The following CELF2 variants were observed in gnomAD, a reference collection of about 807,000 sequenced individuals.
CELF2 encodes CUG triplet repeat RNA-binding protein 2.
CELF2 carries 8 observed loss-of-function variants against 62.6 expected under a neutral mutation model. The observed-to-expected ratio is 0.13, with a 90% CI of 0.07 to 0.23. The LOEUF is 0.23. CELF2 is among the 10% of genes least tolerant of loss of function. The pLI is 1.00. For missense variants in CELF2, 333 were observed against 671.0 expected, an observed-to-expected ratio of 0.50 and a Z score of 5.56; for synonymous variants, 258 against 250.0, an observed-to-expected ratio of 1.03 and a Z score of -0.30.
intron 1 of CELF2, among the ~76,000 whole-genome samples, chr10:11,139,470 T>G (rs1052901373): frequency 6.6e-6 from 1 of 152,218 alleles, no homozygotes; most frequent in African/African-American, 2.4e-5. Context: ...TCTAGAAAAC[T>G]TTGCATTATT....
At chr10:11,041,580 C>T (rs748374597) in intron 1 of CELF2, among the ~76,000 whole-genome samples, 1 of 152,160 alleles carries the variant, frequency 6.6e-6, no homozygotes, top group South Asian at 2.1e-4. Context: ...GGTAAGACTT[C>T]GTATTAACAA....
Position 11,039,744 on chromosome 10 carries a change from A to G in CELF2, c.74+21581A>G, listed in dbSNP as rs75574246. 4.3e-3 allele frequency among the ~76,000 whole-genome samples: 650 copies of G among 152,342 alleles called. 9 individuals are homozygous for G. Among genetic ancestry groups the G allele is most frequent in the African/African-American group, 0.015 (604 of 41,576 alleles). ...TTTTAAGGCTAGTTTCATTTAGGAAAAAAGATAATTATATATCTATTACGT... is the reference window on the plus strand; with the variant it reads ...TTTTAAGGCTAGTTTCATTTAGGAAGAAAGATAATTATATATCTATTACGT... On this transcript the variant is annotated intron_variant, in intron 1 of 12. Coordinates refer to ENST00000633077, the MANE Select transcript of CELF2 (RefSeq NM_001326342.2). This position sits in a 1 kb window ranked among gnomAD's most constrained non-coding sequence, Gnocchi z 4.1.
chr10:10,640,478 C>G, the CELF2 span, among the ~76,000 whole-genome samples: 1 of 152,190 alleles, frequency 6.6e-6, no homozygotes, highest in Non-Finnish European at 1.5e-5. Context: ...CCTCCCACCA[C>G]CAGGTGAGAT....
chr10:11,198,232 G>A (rs1292058036), intron 2 of CELF2, among the ~76,000 whole-genome samples: 1 of 152,226 alleles, frequency 6.6e-6, no homozygotes, highest in Non-Finnish European at 1.5e-5. Flanking sequence ...CCGTGTGGCA[G>A]TGTACAATTT....
the CELF2 span, among the ~76,000 whole-genome samples, chr10:10,580,478 C>T: frequency 2.0e-5 from 3 of 152,072 alleles, no homozygotes; most frequent in African/African-American, 7.2e-5. Context: ...CTGTTCGCAC[C>T]CTTAAATGTT....
Position 10,853,037 on chromosome 10 carries a change from G to A in CELF2, c.53+54220G>A, listed in dbSNP as rs1319653915. 2.6e-5 allele frequency among the ~76,000 whole-genome samples: 4 copies of A among 152,282 alleles called. No homozygotes were observed. In the East Asian group the frequency reaches 7.7e-4, roughly 29 times the overall value. On this transcript the variant is annotated intron_variant, in intron 1 of 13. Coordinates refer to the CELF2 transcript ENST00000636488. ...TCTGTCACTTAGCCTGGAGTGCAGT[G>A]GTGCAGTCTTGGCTCACTACAGCCT...
chr10:11,091,949 A>G (rs1236909845), intron 1 of CELF2, among the ~76,000 whole-genome samples: 1 of 152,224 alleles, frequency 6.6e-6, no homozygotes, highest in Non-Finnish European at 1.5e-5. Flanking sequence ...TTAGAAAAGC[A>G]GAATAAAATT....
chr10:10,909,157 G>T (rs2063594115), intron 1 of CELF2, among the ~76,000 whole-genome samples: 1 of 152,190 alleles, frequency 6.6e-6, no homozygotes, highest in Non-Finnish European at 1.5e-5. Flanking sequence ...CTGACTGTAG[G>T]TTGGAGGTAG....
intron 2 of CELF2, among the ~76,000 whole-genome samples, chr10:10,978,901 T>C (rs986210144): frequency 2.6e-5 from 4 of 152,196 alleles, no homozygotes; most frequent in African/African-American, 9.6e-5. Context: ...TCCCATGCCT[T>C]TTTGGAAGTT....
the CELF2 span, among the ~76,000 whole-genome samples, chr10:10,776,961 G>C: frequency 2.0e-5 from 3 of 152,126 alleles, no homozygotes; most frequent in African/African-American, 7.2e-5. Flanking sequence ...TATGCCATTC[G>C]GCCAATCACT....
the CELF2 span, among the ~76,000 whole-genome samples, chr10:10,738,173 C>G: frequency 3.9e-5 from 6 of 152,132 alleles, no homozygotes; most frequent in African/African-American, 1.2e-4. Context: ...AAGAAATAAT[C>G]AGTGGTTTGT....
the CELF2 span, among the ~76,000 whole-genome samples, chr10:10,772,368 T>G: frequency 6.6e-6 from 1 of 152,214 alleles, no homozygotes; most frequent in African/African-American, 2.4e-5. Context: ...TACTCTAGAT[T>G]TTTAAAACTC....
chr10:11,097,023 C>T (rs575540261), intron 1 of CELF2, among the ~76,000 whole-genome samples: 10 of 152,182 alleles, frequency 6.6e-5, no homozygotes, highest in South Asian at 4.2e-4. Context: ...CAATAGGAAA[C>T]GAAGAGTTTT....
rs1356044379 is a variant in CELF2, at chr10:11,177,971, C to G, written c.271+12289C>G. Among the ~76,000 whole-genome samples the G allele has an allele frequency of 6.6e-6, 1 of 152,058 alleles. No homozygotes were observed. Among genetic ancestry groups the G allele is most frequent in the Non-Finnish European group, 1.5e-5 (1 of 68,014 alleles). ...CCCTGTGAGGCTCAGTAAGCCGCAG[C>G]CTAGATTGGAACAGCGTGACTGCCT... On this transcript the variant is annotated intron_variant, in intron 2 of 12. Transcript: ENST00000633077. The surrounding 1 kb of genome is among the most constrained non-coding windows in gnomAD (Gnocchi z 4.8).
Position 11,290,524 on chromosome 10 carries a change from T to TA in CELF2, c.976+1988dup, listed in dbSNP as rs56348502. 1.2e-3 allele frequency among the ~76,000 whole-genome samples: 173 copies of TA among 141,728 alleles called. 1 individual carries two copies. Among genetic ancestry groups the TA allele is most frequent in the African/African-American group, 2.8e-3 (108 of 38,432 alleles). 93.0% of individuals were successfully genotyped at this position (141,728 alleles called of 152,430 possible). A position where few individuals can be genotyped will look rare whatever the true frequency, so the allele number is the denominator to read the frequency against. On this transcript the variant is annotated intron_variant, in intron 9 of 12. Transcript: ENST00000633077. The surrounding 1 kb of genome is among the most constrained non-coding windows in gnomAD (Gnocchi z 4.3). The stretch of plus-strand genomic sequence containing the variant: ...CCTGGGCGACGAGCGAGACTCCGTC[T>TA]AAAAAAAAAAAAAAAATGTGGGCCA...
the CELF2 span, among the ~76,000 whole-genome samples, chr10:10,707,816 C>T: frequency 3.2e-3 from 490 of 152,202 alleles, 2 homozygotes; most frequent in African/African-American, 0.011. Context: ...TTGGATTATT[C>T]GTTTAAATCA....
the CELF2 span, among the ~76,000 whole-genome samples, chr10:10,711,330 A>G: frequency 1.3e-5 from 2 of 152,238 alleles, no homozygotes; most frequent in African/African-American, 4.8e-5. Flanking sequence ...ACATTATAGA[A>G]TTAATATTTG....
rs200137847 is a variant in CELF2, at chr10:11,155,767, TC to T, written c.75-9718del. On this transcript the variant is annotated intron_variant, in intron 1 of 12. Coordinates refer to ENST00000633077, the MANE Select transcript of CELF2 (RefSeq NM_001326342.2). ...GACTGTCAACTTTTGATTTTCCAGA[TC>T]AGTGGAAGGAGACAGTGGCGTCCTT... 3.4e-3 allele frequency among the ~76,000 whole-genome samples: 521 copies of T among 152,324 alleles called. 6 individuals carry two copies. The highest frequency in any genetic ancestry group is 0.012 in the African/African-American group (503 of 41,570).
At chr10:11,000,657 A>G (rs2054424573), upstream of CELF2, among the ~76,000 whole-genome samples, 1 of 152,148 alleles carries the variant, frequency 6.6e-6, no homozygotes, top group Non-Finnish European at 1.5e-5. Flanking sequence ...TGAGTTGCTC[A>G]AGTGAAAGCA....
Sources: allele counts gnomAD v4.1 joint callset (sites outside exome capture counted in the v4.1 genomes callset), GRCh38; gene constraint gnomAD v4.1.1; non-coding constraint Gnocchi (gnomAD v3.1); transcripts MANE v1.5; gene names NCBI Gene and HGNC (gene_info 2026-07-23, HGNC 2026-07-21).